The following MAGI1 variants were observed in gnomAD, a reference collection of about 807,000 sequenced individuals.
MAGI1 encodes membrane associated guanylate kinase, WW and PDZ domain containing 1.
MAGI1 carries 58 observed loss-of-function variants against 139.9 expected under a neutral mutation model. That is an observed-to-expected ratio of 0.41 (90% confidence interval 0.34 to 0.52). The LOEUF (loss-of-function observed/expected upper bound fraction) is 0.52, where lower values mean the gene tolerates loss of function less well. MAGI1 is among the 20% of genes least tolerant of loss of function. The pLI, the probability that MAGI1 is intolerant of heterozygous loss-of-function variation, is 0.12. For missense variants in MAGI1, 1,874 were observed against 1,901.6 expected (o/e 0.99, Z 0.27); for synonymous variants, 812 against 737.9 (o/e 1.10, Z -1.63).
At chr3:65,825,375 T>C (rs377113949) in intron 1 of MAGI1, among the ~76,000 whole-genome samples, 24 of 152,220 alleles carry the variant, frequency 1.6e-4, no homozygotes, top group African/African-American at 5.8e-4. Flanking sequence ...TGAAGCTGGC[T>C]TGTATTGGCT....
At chr3:65,712,494 G>A (rs2031598612) in intron 1 of MAGI1, among the ~76,000 whole-genome samples, 1 of 149,392 alleles carries the variant, frequency 6.7e-6, no homozygotes, top group East Asian at 2.1e-4. Flanking sequence ...TAATAAAATT[G>A]TGTTTTGTTT....
intron 1 of MAGI1, among the ~76,000 whole-genome samples, chr3:65,909,653 A>T (rs1254566587): frequency 6.6e-6 from 1 of 152,176 alleles, no homozygotes; most frequent in Non-Finnish European, 1.5e-5. Context: ...CTGTGATCAT[A>T]CCACTGTACT....
intron 1 of MAGI1, among the ~76,000 whole-genome samples, chr3:65,888,993 A>C (rs762927812): frequency 6.6e-6 from 1 of 152,246 alleles, no homozygotes; most frequent in Non-Finnish European, 1.5e-5. Flanking sequence ...ATATGTAACA[A>C]ATATAATATT....
chr3:65,968,582 C>A (rs2064869894), intron 1 of MAGI1, among the ~76,000 whole-genome samples: 1 of 151,220 alleles, frequency 6.6e-6, no homozygotes, highest in African/African-American at 2.4e-5. Context: ...TATATGCACA[C>A]AGATTCTCTA....
At position 65,379,390 on chromosome 3, in the gene MAGI1, C is replaced by A; in HGVS notation, c.2866G>T (p.Gly956Cys). Reference sequence around the variant, plus strand: ...GTGCTGACCACGCCGCTGCCCCCGCCGCCGCCACTGCCGATGCCGCTGGTG... The same window carrying A: ...GTGCTGACCACGCCGCTGCCCCCGCAGCCGCCACTGCCGATGCCGCTGGTG... ...GSTSGIGSGG[G>C]GGSGVVSTVV... The change falls in exon 17 of 23, where the codon GGC becomes TGC. Residue 956 changes from glycine to cysteine, a missense_variant. By Grantham distance (159) the Gly-to-Cys change is radical (BLOSUM62 -3). Around this residue, in one of 5 missense-constraint regions of MAGI1, gnomAD observed 482 missense variants for 509.6 expected, o/e 0.95. Transcript: ENST00000402939. 6.2e-7 allele frequency: 1 copy of A among 1,612,762 alleles called. No individual in the cohort carries two copies. The highest frequency in any genetic ancestry group is 8.5e-7 in the Non-Finnish European group (1 of 1,179,208).
intron 3 of MAGI1, among the ~76,000 whole-genome samples, chr3:65,486,899 T>G (rs1386534853): frequency 6.6e-6 from 1 of 152,170 alleles, no homozygotes; most frequent in East Asian, 1.9e-4. Context: ...CCACTATCTA[T>G]CCAGTAATAG....
intron 1 of MAGI1, among the ~76,000 whole-genome samples, chr3:65,845,850 G>A (rs1220142986): frequency 1.3e-5 from 2 of 152,164 alleles, no homozygotes; most frequent in Non-Finnish European, 2.9e-5. Context: ...TTTGCTTCCA[G>A]TATCATTCAG....
At chr3:65,811,465 G>A (rs73135078) in intron 1 of MAGI1, among the ~76,000 whole-genome samples, 19,398 of 152,086 alleles carry the variant, frequency 0.13, 1,631 homozygotes, top group South Asian at 0.2. Context: ...TTTGGACTGG[G>A]AATCCAACCT....
intron 1 of MAGI1, among the ~76,000 whole-genome samples, chr3:65,639,400 C>T (rs1184129488): frequency 6.6e-6 from 1 of 151,972 alleles, no homozygotes; most frequent in Non-Finnish European, 1.5e-5. Flanking sequence ...AACAAAATAA[C>T]GAAATAGAAG....
At chr3:65,658,519 G>C (rs2086013140) in intron 1 of MAGI1, among the ~76,000 whole-genome samples, 1 of 152,178 alleles carries the variant, frequency 6.6e-6, no homozygotes, top group Admixed American at 6.5e-5. Flanking sequence ...CTTCAGACCA[G>C]TTCTTCTGAA....
intron 1 of MAGI1, among the ~76,000 whole-genome samples, chr3:65,724,923 C>T (rs1374232000): frequency 6.6e-6 from 1 of 152,128 alleles, no homozygotes; most frequent in African/African-American, 2.4e-5. Flanking sequence ...CCTCCCACAA[C>T]ACTCGGGGGT....
intron 1 of MAGI1, among the ~76,000 whole-genome samples, chr3:65,680,537 C>T (rs1188724529): frequency 6.6e-6 from 1 of 152,118 alleles, no homozygotes; most frequent in Non-Finnish European, 1.5e-5. Context: ...GCCTCAGTCT[C>T]CTGAGGAGCT....
At chr3:65,536,478 A>G (rs541769428) in intron 2 of MAGI1, among the ~76,000 whole-genome samples, 1 of 152,302 alleles carries the variant, frequency 6.6e-6, no homozygotes, top group South Asian at 2.1e-4. Flanking sequence ...ACAGTTATAA[A>G]GGCAAAAGGA....
chr3:65,389,858 T>G (rs1943761531), intron 14 of MAGI1, among the ~76,000 whole-genome samples: 1 of 152,164 alleles, frequency 6.6e-6, no homozygotes, highest in Non-Finnish European at 1.5e-5. Flanking sequence ...AAGAAGGCAG[T>G]AATATTTCTC....
chr3:65,434,738 G>A (rs1947710595), intron 10 of MAGI1, among the ~76,000 whole-genome samples: 1 of 152,146 alleles, frequency 6.6e-6, no homozygotes, highest in African/African-American at 2.4e-5. Context: ...AAATGGTATG[G>A]ATTTTAACTG....
intron 1 of MAGI1, among the ~76,000 whole-genome samples, chr3:65,673,649 G>A (rs1228792669): frequency 6.6e-6 from 1 of 152,138 alleles, no homozygotes; most frequent in African/African-American, 2.4e-5. Context: ...ATCTCTAAGG[G>A]TGCTTCCAGC....
intron 3 of MAGI1, among the ~76,000 whole-genome samples, chr3:65,484,792 G>A (rs1951524714): frequency 1.3e-5 from 2 of 151,940 alleles, no homozygotes; most frequent in Admixed American, 1.3e-4. Flanking sequence ...CAGTATCTCT[G>A]ACCCCACAGA....
At chr3:65,960,929 T>C (rs1370261236) in intron 1 of MAGI1, among the ~76,000 whole-genome samples, 2 of 152,252 alleles carry the variant, frequency 1.3e-5, no homozygotes, top group African/African-American at 2.4e-5. Context: ...ATTTACTTTC[T>C]GTACCTTGGC....
intron 4 of MAGI1, among the ~76,000 whole-genome samples, chr3:65,471,530 A>ACAC (rs760901921): frequency 1.1e-4 from 17 of 152,078 alleles, no homozygotes; most frequent in Non-Finnish European, 1.8e-4. Flanking sequence ...TACTAAACTA[A>ACAC]CACCACCACC....
Sources: gnomAD v4.1 joint callset for allele counts (sites outside exome capture counted in the v4.1 genomes callset) on GRCh38, gnomAD v4.1.1 for gene constraint, gnomAD v4.1.1 regional missense constraint, MANE v1.5 for transcripts, NCBI Gene and HGNC (gene_info 2026-07-23, HGNC 2026-07-21) for gene names.